Variants in HK1 observed in about 807,000 individuals in gnomAD.
HK1 encodes hexokinase-1.
A neutral mutation model predicts 91.6 loss-of-function variants in HK1; 28 were observed. That is an observed-to-expected ratio of 0.31 (90% confidence interval 0.23 to 0.42). The LOEUF (loss-of-function observed/expected upper bound fraction) is 0.42, where lower values mean the gene tolerates loss of function less well. HK1 is among the 10% of genes least tolerant of loss of function. The pLI is 1.00. For missense variants in HK1, 770 were observed against 1,219.8 expected, an observed-to-expected ratio of 0.63 and a Z score of 5.49; for synonymous variants, 430 against 468.1, an observed-to-expected ratio of 0.92 and a Z score of 1.05.
At chr10:69,365,639 A>T (rs1205544465) in intron 4 of HK1, among the ~76,000 whole-genome samples, 2 of 152,060 alleles carry the variant, frequency 1.3e-5, no homozygotes, top group East Asian at 3.9e-4. Context: ...GCACTTTGGG[A>T]GGCCGAAGCA....
At position 69,287,250 on chromosome 10, in the gene HK1, C is replaced by T. The variant is rs543040512; in HGVS notation, c.-214-1421C>T. Among the ~76,000 whole-genome samples the T allele has an allele frequency of 1.2e-4, 18 of 152,208 alleles. No individual in the cohort carries two copies. The South Asian group carries it at 2.5e-3, about 21-fold the overall frequency. Reference sequence around the variant, plus strand: ...GGGGAAGCAAGGCACCTTCTTCATACGGCTGCAGGAAGGAGAGGTGCAGGG... The same window carrying T: ...GGGGAAGCAAGGCACCTTCTTCATATGGCTGCAGGAAGGAGAGGTGCAGGG... On this transcript the variant is annotated intron_variant, in intron 2 of 21. Coordinates refer to the HK1 transcript ENST00000360289.
intron 14 of HK1, 43 bp from the exon 15 acceptor site, chr10:69,392,082 A>C (rs372861133): frequency 6.2e-6 from 10 of 1,611,520 alleles, no homozygotes; most frequent in African/African-American, 2.7e-5. Context: ...AAGACCCCCA[A>C]ATGCAAGGCC....
intron 2 of HK1, among the ~76,000 whole-genome samples, chr10:69,285,127 C>T (rs1055223008): frequency 6.6e-6 from 1 of 151,732 alleles, no homozygotes; most frequent in Admixed American, 6.6e-5. Flanking sequence ...CCGTGAGATC[C>T]TATTCCTTAA....
chr10:69,281,548 C>G (rs1293793614), intron 1 of HK1, among the ~76,000 whole-genome samples: 1 of 152,182 alleles, frequency 6.6e-6, no homozygotes, highest in Non-Finnish European at 1.5e-5. Context: ...CTATAGGAAG[C>G]CGTTCATGAA....
At chr10:69,326,048 C>A (rs988523079) in intron 1 of HK1, among the ~76,000 whole-genome samples, 35 of 151,432 alleles carry the variant, frequency 2.3e-4, no homozygotes, top group African/African-American at 6.3e-4. Context: ...GTTGGCCAGG[C>A]TGGTCTTGAA....
At chr10:69,388,537 AACAC>A (rs57640630) in intron 13 of HK1, among the ~76,000 whole-genome samples, 6 of 151,612 alleles carry the variant, frequency 4.0e-5, no homozygotes, top group Non-Finnish European at 8.8e-5. Flanking sequence ...TGCATATGCC[AACAC>A]ACACACACAC....
At chr10:69,284,223 C>A (rs1168468503) in intron 2 of HK1, among the ~76,000 whole-genome samples, 3 of 152,188 alleles carry the variant, frequency 2.0e-5, no homozygotes, top group Non-Finnish European at 4.4e-5. Context: ...GGTTAGCTTA[C>A]AGCCATATGA....
intron 9 of HK1, among the ~76,000 whole-genome samples, chr10:69,381,803 C>T (rs988965900): frequency 1.3e-5 from 2 of 152,228 alleles, no homozygotes; most frequent in Non-Finnish European, 1.5e-5. Flanking sequence ...ATCCACCTGC[C>T]TTGGCCTCCC....
chr10:69,360,220 T>C (rs1849347322), intron 3 of HK1, among the ~76,000 whole-genome samples, 175 bp downstream of exon 3: 1 of 152,224 alleles, frequency 6.6e-6, no homozygotes, highest in Non-Finnish European at 1.5e-5. Context: ...ACAGCCTGCA[T>C]GGGGGCCCTG....
In HK1 at chr10:69,338,149, C is replaced by G. The variant is rs1564523025; in HGVS notation, c.64-5678C>G. On this transcript the variant is annotated intron_variant, in intron 1 of 17. Coordinates refer to ENST00000359426, the MANE Select transcript of HK1 (RefSeq NM_000188.3). The stretch of plus-strand genomic sequence containing the variant: ...TGGGAGCCGCTGAGAGCTTCAAGGC[C>G]CCCTTGGTCCACAAGAAGGAGAATC... The G allele has an allele frequency of 8.1e-6, 6 of 744,362 alleles. No homozygotes were observed. In the African/African-American group the frequency reaches 9.2e-5, roughly 11 times the overall value. The allele number at this position is 744,362 out of a possible 1,614,324, so 46.1% of individuals were successfully genotyped here.
chr10:69,382,910 A>T, intron 10 of HK1, 119 bp downstream of exon 10: 1 of 890,664 alleles, frequency 1.1e-6, no homozygotes. Context: ...ATTTTGCCAG[A>T]GCTAGAAACT....
Position 69,369,163 on chromosome 10 carries a change from C to T in HK1, c.592-74C>T. The T allele has an allele frequency of 1.8e-6, 2 of 1,132,308 alleles. No individual in the cohort carries two copies. Among genetic ancestry groups the T allele is most frequent in the Non-Finnish European group, 2.7e-6 (2 of 746,896 alleles). The allele number at this position is 1,132,308 out of a possible 1,614,324, so 70.1% of individuals were successfully genotyped here. A position where few individuals can be genotyped will look rare whatever the true frequency, so the allele number is the denominator to read the frequency against. On this transcript the variant is annotated intron_variant, in intron 5 of 17. Transcript: ENST00000359426. This position sits in a 1 kb window ranked among gnomAD's most constrained non-coding sequence, Gnocchi z 4.4. ...GGTTCTGAAAACGGGAGCACTTCTGCCAAGCGCTGTTAAGGTGTGTGATCT... is the reference window on the plus strand; with the variant it reads ...GGTTCTGAAAACGGGAGCACTTCTGTCAAGCGCTGTTAAGGTGTGTGATCT...
At chr10:69,285,183 C>A (rs1844964798) in intron 2 of HK1, among the ~76,000 whole-genome samples, 1 of 152,024 alleles carries the variant, frequency 6.6e-6, no homozygotes, top group African/African-American at 2.4e-5. Context: ...GCCTGTAATC[C>A]CAACACTTTG....
At chr10:69,299,806 C>T (rs921609555) in intron 4 of HK1, among the ~76,000 whole-genome samples, 3 of 150,848 alleles carry the variant, frequency 2.0e-5, no homozygotes, top group African/African-American at 4.9e-5. Flanking sequence ...GGATTACAGG[C>T]GCCTGCCACT....
In HK1 at chr10:69,394,951, T is replaced by G. The variant is rs779084576; in HGVS notation, c.2221T>G (p.Tyr741Asp). The G allele has an allele frequency of 6.2e-7, 1 of 1,613,998 alleles. No individual in the cohort carries two copies. The highest frequency in any genetic ancestry group is 1.1e-5 in the South Asian group (1 of 91,070). The change falls in exon 16 of 18, where the codon TAT becomes GAT. Residue 741 changes from tyrosine (Y) to aspartate (D), a missense_variant and splice_region_variant. Physicochemically the swap from Tyr to Asp is radical, Grantham distance 160. Around this residue, in one of 7 missense-constraint regions of HK1, gnomAD observed 152 missense variants for 211.1 expected, o/e 0.72. Transcript: ENST00000359426. ...EYSLNAGKQR[Y>D]EKMISGMYLG... The stretch of plus-strand genomic sequence containing the variant: ...CCCAGGCCCCTCCTCCTGTCTCAGG[T>G]ATGAGAAGATGATCAGTGGTATGTA...
chr10:69,301,606 C>T (rs928359197), intron 5 of HK1, among the ~76,000 whole-genome samples: 5 of 134,482 alleles, frequency 3.7e-5, no homozygotes, highest in Non-Finnish European at 6.4e-5. Context: ...GAAAAGAAAA[C>T]AATTCCATGT....
intron 1 of HK1, among the ~76,000 whole-genome samples, chr10:69,273,581 ACCTCAGGTGAT>A (rs1294908360): frequency 6.6e-6 from 1 of 152,012 alleles, no homozygotes. Flanking sequence ...CGAACTCCTG[ACCTCAGGTGAT>A]CCCCCTGTCT....
intron 1 of HK1, among the ~76,000 whole-genome samples, chr10:69,342,286 T>C (rs908670520): frequency 1.3e-5 from 2 of 152,146 alleles, no homozygotes; most frequent in African/African-American, 4.8e-5. Context: ...TGTGCAAGGC[T>C]CCATGTGAGG....
At chr10:69,375,812 G>A (rs1187518766) in intron 7 of HK1, among the ~76,000 whole-genome samples, 2 of 152,304 alleles carry the variant, frequency 1.3e-5, no homozygotes, top group Admixed American at 1.3e-4. Context: ...ATATGGCATC[G>A]AGCCCTGGTT....
Sources: allele counts gnomAD v4.1 joint callset (sites outside exome capture counted in the v4.1 genomes callset), GRCh38; gene constraint gnomAD v4.1.1; regional missense constraint gnomAD v4.1.1; non-coding constraint Gnocchi (gnomAD v3.1); transcripts MANE v1.5; gene names NCBI Gene and HGNC (gene_info 2026-07-23, HGNC 2026-07-21).